The following PGAP1 variants were observed in gnomAD, a reference collection of about 807,000 sequenced individuals.
The protein encoded by PGAP1 is post-GPI attachment to proteins inositol deacylase 1, also known as GPI inositol-deacylase.
In PGAP1, 76 loss-of-function variants were observed where a neutral mutation model predicts 127.0. That is an observed-to-expected ratio of 0.60 (90% CI 0.50 to 0.72). The LOEUF (loss-of-function observed/expected upper bound fraction) is 0.72. PGAP1 is among the 30% of genes least tolerant of loss of function. The pLI is 0.00. For synonymous variants in PGAP1, 362 were observed against 366.5 expected, an observed-to-expected ratio of 0.99 and a Z score of 0.14; for missense variants, 982 against 1,071.3, an observed-to-expected ratio of 0.92 and a Z score of 1.16.
chr2:196,897,764 T>C (rs1159673593), intron 6 of PGAP1, among the ~76,000 whole-genome samples: 1 of 152,220 alleles, frequency 6.6e-6, no homozygotes, highest in African/African-American at 2.4e-5. Context: ...TATTTGATAT[T>C]AGCTTCATTT....
intron 3 of PGAP1, among the ~76,000 whole-genome samples, chr2:196,914,141 G>T (rs931614689): frequency 6.6e-6 from 1 of 151,960 alleles, no homozygotes; most frequent in Non-Finnish European, 1.5e-5. Context: ...TTTGACCTTC[G>T]CAAGTACCTC....
intron 12 of PGAP1, among the ~76,000 whole-genome samples, chr2:196,883,729 A>G (rs549656276): frequency 1.3e-5 from 2 of 152,254 alleles, no homozygotes; most frequent in Non-Finnish European, 2.9e-5. Flanking sequence ...TGAGATATTA[A>G]TATGAATAAA....
chr2:196,875,087 C>A (rs1484172946), intron 14 of PGAP1, among the ~76,000 whole-genome samples: 1 of 152,124 alleles, frequency 6.6e-6, no homozygotes, highest in East Asian at 1.9e-4. Flanking sequence ...GAACAGTATT[C>A]TTCAAAGGTT....
chr2:196,899,201 T>C (rs1294175906), intron 5 of PGAP1, among the ~76,000 whole-genome samples: 2 of 152,120 alleles, frequency 1.3e-5, no homozygotes, highest in African/African-American at 2.4e-5. Flanking sequence ...TCACCAGAAC[T>C]GTCAAAACCA....
intron 11 of PGAP1, 91 bp downstream of exon 11, chr2:196,885,743 T>C: frequency 1.2e-6 from 1 of 828,550 alleles, no homozygotes; most frequent in Non-Finnish European, 1.7e-6. Context: ...AGCATCAAAA[T>C]GAAAATAACA....
intron 8 of PGAP1, among the ~76,000 whole-genome samples, 171 bp from the exon 9 acceptor site, chr2:196,892,572 C>A (rs1702136092): frequency 6.6e-6 from 1 of 152,094 alleles, no homozygotes; most frequent in Non-Finnish European, 1.5e-5. Context: ...ATACACTCAT[C>A]ACCAACTAGC....
At chr2:196,912,580 T>TAAAAAAAAAA (rs531959600) in intron 4 of PGAP1, among the ~76,000 whole-genome samples, 1 of 82,480 alleles carries the variant, frequency 1.2e-5, no homozygotes, top group African/African-American at 4.4e-5. Context: ...ACCCTGTCTT[T>TAAAAAAAAAA]AAAAAAAAAA....
chr2:196,903,725 G>T (rs1015367491), intron 4 of PGAP1, among the ~76,000 whole-genome samples: 6 of 152,150 alleles, frequency 3.9e-5, no homozygotes, highest in African/African-American at 1.4e-4. Context: ...CAGGGTTAGG[G>T]TTCAACCCAT....
In PGAP1 at chr2:196,895,340, C is replaced by T. The variant is rs1322784169; in HGVS notation, c.927+1791G>A. ...TAGGAATATACCTGTCTGACGTATC[C>T]TGTTCTTCACCAGTCGGAATAAGGT... On this transcript the variant is annotated intron_variant, in intron 7 of 26. Coordinates refer to ENST00000354764, the MANE Select transcript of PGAP1 (RefSeq NM_024989.4). Among the ~76,000 whole-genome samples the T allele has an allele frequency of 2.0e-5, 3 of 152,184 alleles. No individual in the cohort carries two copies. The East Asian group carries it at 5.8e-4, about 29-fold the overall frequency.
chr2:196,844,662 A>T (rs986677258), intron 23 of PGAP1, 88 bp from the exon 24 acceptor site: 1 of 860,106 alleles, frequency 1.2e-6, no homozygotes, highest in Non-Finnish European at 1.8e-6. Flanking sequence ...GAAGCACTGT[A>T]ATCTGAAATG....
Position 196,838,005 on chromosome 2 carries a change from GAGTT to G in PGAP1, c.*3225_*3228del, listed in dbSNP as rs1448454403. The G allele has an allele frequency of 6.6e-6, 1 of 152,018 alleles. No individual in the cohort carries two copies. The highest frequency in any genetic ancestry group is 2.4e-5 in the African/African-American group (1 of 41,380). The allele number at this position is 152,018 out of a possible 1,614,324, so 9.4% of individuals were successfully genotyped here. ...CTGGTGATAACCAAGAGAAAAAAAA[GAGTT>G]AGCAGAACCTGTTTAATTTCTGGCA... On this transcript the variant is annotated 3_prime_UTR_variant, in exon 27 of 27. Coordinates refer to ENST00000354764, the MANE Select transcript of PGAP1 (RefSeq NM_024989.4).
At chr2:196,843,596 T>C (rs1700475385) in intron 25 of PGAP1, among the ~76,000 whole-genome samples, 1 of 152,150 alleles carries the variant, frequency 6.6e-6, no homozygotes, top group Non-Finnish European at 1.5e-5. Flanking sequence ...TCCCGAAGTT[T>C]ATATACACAT....
rs746291958 is a variant in PGAP1, at chr2:196,926,539, C to T, written c.78G>A (p.Trp26Ter). 1 of 1,614,070 alleles carries T rather than the reference C, an allele frequency of 6.2e-7. No individual in the cohort carries two copies. The highest frequency in any genetic ancestry group is 8.5e-7 in the Non-Finnish European group (1 of 1,180,026). The change falls in exon 1 of 27, where the codon TGG (tryptophan) becomes TGA (stop). Residue 26 changes from tryptophan (W) to a stop codon, truncating the protein, a stop_gained. Transcript: ENST00000354764. LOFTEE classifies it high-confidence loss of function. ...FMVFLATLGL[W>*]DVFFGFEENK... ...TCTCCTCGAAGCCGAAGAAGACATC[C>T]CACAGCCCCAGGGTTGCCAGAAAGA... is the stretch of plus-strand genomic sequence containing the variant.
intron 13 of PGAP1, among the ~76,000 whole-genome samples, chr2:196,879,229 A>AT (rs1701653601): frequency 6.6e-6 from 1 of 152,082 alleles, no homozygotes; most frequent in Non-Finnish European, 1.5e-5. Flanking sequence ...ACTTGCCACC[A>AT]TGCCTACTTG....
At chr2:196,847,910 C>T in intron 21 of PGAP1, 37 bp downstream of exon 21, 1 of 1,378,254 alleles carries the variant, frequency 7.3e-7, no homozygotes, top group Non-Finnish European at 9.8e-7. Flanking sequence ...ACATGTAAAA[C>T]ACAATTAAAA....
intron 2 of PGAP1, among the ~76,000 whole-genome samples, chr2:196,916,803 A>T (rs985914455): frequency 2.0e-5 from 3 of 152,226 alleles, no homozygotes; most frequent in Non-Finnish European, 2.9e-5. Flanking sequence ...AAATATTTTT[A>T]AAATTAAATA....
chr2:196,849,359 G>A (rs999477902), intron 20 of PGAP1, among the ~76,000 whole-genome samples: 1 of 151,206 alleles, frequency 6.6e-6, no homozygotes, highest in African/African-American at 2.4e-5. Context: ...TGCCTCCCGG[G>A]TTCATGCCAT....
rs1701194719 is a variant in PGAP1, at chr2:196,865,080, C to T, written c.1768G>A (p.Val590Ile). ...KTSFSQILGQVVRFHGGALPA... is the reference protein window; with the variant it reads ...KTSFSQILGQIVRFHGGALPA... ...AGAGCTCCACCATGAAATCTAACTA[C>T]CTAAAAAACAGGTAAGTCAATGGGC... Residue 590 changes from valine to isoleucine, a missense_variant and splice_region_variant, in exon 20 of 27, where the codon GTA becomes ATA. Physicochemically the swap from Val to Ile is conservative, Grantham distance 29 (BLOSUM62 3). Transcript: ENST00000354764. 6 of 1,534,100 alleles carry T rather than the reference C, an allele frequency of 3.9e-6. No individual in the cohort carries two copies. The Admixed American group carries it at 6.8e-5, about 17-fold the overall frequency.
At chr2:196,894,332 T>C (rs1465200654) in intron 7 of PGAP1, among the ~76,000 whole-genome samples, 1 of 152,214 alleles carries the variant, frequency 6.6e-6, no homozygotes, top group African/African-American at 2.4e-5. Flanking sequence ...CAAAATATGA[T>C]GCATGAAATA....
Sources: allele counts gnomAD v4.1 joint callset (sites outside exome capture counted in the v4.1 genomes callset), GRCh38; gene constraint gnomAD v4.1.1; transcripts MANE v1.5; gene names NCBI Gene and HGNC (gene_info 2026-07-23, HGNC 2026-07-21).